Variants in HMCN1 observed in about 807,000 individuals in gnomAD.
HMCN1 encodes the protein hemicentin-1.
HMCN1 carries 321 observed loss-of-function variants against 625.9 expected under a neutral mutation model. That is an observed-to-expected ratio of 0.51 (90% CI 0.47 to 0.56). The LOEUF is 0.56. HMCN1 is among the 20% of genes least tolerant of loss of function. The probability of loss-of-function intolerance (pLI) is 0.00; values close to 1 mark genes in which losing one functional copy is unlikely to be tolerated. For missense variants in HMCN1, 6,588 were observed against 6,887.3 expected, an observed-to-expected ratio of 0.96 and a Z score of 1.54; for synonymous variants, 2,425 against 2,417.6, an observed-to-expected ratio of 1.00 and a Z score of -0.09.
At position 186,145,897 on chromosome 1, in the gene HMCN1, C is replaced by A; in HGVS notation, c.14582C>A (p.Thr4861Asn). 1.2e-6 allele frequency: 2 copies of A among 1,613,976 alleles called. No homozygotes were observed. Among genetic ancestry groups the A allele is most frequent in the Non-Finnish European group, 1.7e-6 (2 of 1,179,980 alleles). ...TGTCCCGGAGACACTACTCAGGTGA[C>A]CAGGTGCAATGTACAAGCATGTCCA... The part of the protein sequence containing the change: ...RPCPGDTTQV[T>N]RCNVQACPGG... Residue 4861 changes from threonine to asparagine, a missense_variant, in exon 93 of 107, where the codon ACC becomes AAC. Physicochemically the swap from Thr to Asn is moderately conservative, Grantham distance 65. Coordinates refer to ENST00000271588, the MANE Select transcript of HMCN1 (RefSeq NM_031935.3).
At chr1:186,014,175 G>A (rs923250999) in intron 30 of HMCN1, among the ~76,000 whole-genome samples, 2 of 152,004 alleles carry the variant, frequency 1.3e-5, no homozygotes, top group Admixed American at 1.3e-4. Flanking sequence ...CACTTTACCT[G>A]TATGGGCTGC....
chr1:185,968,480 T>TTATATATATATATATATATATATATATA (rs369735007), intron 14 of HMCN1, among the ~76,000 whole-genome samples: 1 of 149,250 alleles, frequency 6.7e-6, no homozygotes, highest in Admixed American at 6.7e-5. Context: ...ATTTCTAAAA[T>TTATATATATATATATATATATATATATA]TATATATATA....
intron 89 of HMCN1, among the ~76,000 whole-genome samples, chr1:186,143,533 A>G (rs1279981266): frequency 6.6e-6 from 1 of 152,242 alleles, no homozygotes. Flanking sequence ...CTTGGAAACT[A>G]CTAGTCAGCT....
chr1:185,880,336 A>G (rs1447344347), intron 4 of HMCN1, among the ~76,000 whole-genome samples: 1 of 152,232 alleles, frequency 6.6e-6, no homozygotes, highest in Non-Finnish European at 1.5e-5. Context: ...ATTGCAGGTA[A>G]TTCCATACTA....
rs146430539 is a variant in HMCN1, at chr1:185,990,342, T to G, written c.3276T>G (p.Leu1092=). 8.5e-5 allele frequency: 137 copies of G among 1,613,944 alleles called. No individual in the cohort carries two copies. In the African/African-American group the frequency reaches 1.4e-3, roughly 16 times the overall value. Residue 1092 remains leucine (L), a synonymous_variant, in exon 22 of 107, where the codon CTT becomes CTG. Transcript: ENST00000271588. ...SQDKPVEISV[L]AGEEVTLPCE... ...ATAAGCCTGTTGAGATCTCCGTCCTTGCAGGGGAAGAGGTAACACTTCCAT... is the reference window on the plus strand; with the variant it reads ...ATAAGCCTGTTGAGATCTCCGTCCTGGCAGGGGAAGAGGTAACACTTCCAT...
At chr1:185,848,655 A>T (rs952676342) in intron 2 of HMCN1, among the ~76,000 whole-genome samples, 2 of 152,068 alleles carry the variant, frequency 1.3e-5, no homozygotes, top group African/African-American at 2.4e-5. Flanking sequence ...TTCTTTTTCC[A>T]GTACCCTAAA....
intron 40 of HMCN1, among the ~76,000 whole-genome samples, chr1:186,044,794 T>C (rs1444655481): frequency 6.6e-6 from 1 of 152,122 alleles, no homozygotes; most frequent in Non-Finnish European, 1.5e-5. Context: ...GTTTCTGAAT[T>C]ATTATACATA....
chr1:185,899,329 C>T (rs926205163), intron 4 of HMCN1, among the ~76,000 whole-genome samples: 7 of 152,062 alleles, frequency 4.6e-5, no homozygotes, highest in African/African-American at 1.2e-4. Context: ...GAGAATATTA[C>T]AATTTTTTTG....
intron 36 of HMCN1, among the ~76,000 whole-genome samples, chr1:186,026,189 A>G (rs1655046185): frequency 6.6e-6 from 1 of 152,216 alleles, no homozygotes; most frequent in Non-Finnish European, 1.5e-5. Context: ...TGGAGATGTT[A>G]AAAAATGTAG....
chr1:186,079,396 G>A (rs1558203616), intron 55 of HMCN1, among the ~76,000 whole-genome samples: 1 of 152,268 alleles, frequency 6.6e-6, no homozygotes, highest in South Asian at 2.1e-4. Flanking sequence ...GCACACGCAA[G>A]CCATGTCAAG....
intron 1 of HMCN1, among the ~76,000 whole-genome samples, chr1:185,755,882 G>A (rs1203423975): frequency 6.6e-6 from 1 of 152,122 alleles, no homozygotes; most frequent in African/African-American, 2.4e-5. Flanking sequence ...GAAAGCATGG[G>A]CTCTTTTTTA....
chr1:186,181,625 AAG>A (rs1470253040), intron 104 of HMCN1, among the ~76,000 whole-genome samples: 2 of 152,204 alleles, frequency 1.3e-5, no homozygotes, highest in Non-Finnish European at 2.9e-5. Flanking sequence ...TGTATAAAAA[AAG>A]AGTATTTTTG....
At chr1:185,779,124 G>T (rs1212389265) in intron 1 of HMCN1, among the ~76,000 whole-genome samples, 3 of 152,154 alleles carry the variant, frequency 2.0e-5, no homozygotes, top group Admixed American at 6.5e-5. Flanking sequence ...TCATGTGTCT[G>T]TTGGTTGCAT....
chr1:185,870,677 C>T (rs1228249110), intron 4 of HMCN1, among the ~76,000 whole-genome samples: 1 of 152,166 alleles, frequency 6.6e-6, no homozygotes, highest in Non-Finnish European at 1.5e-5. Context: ...TAGCCATCCT[C>T]TCAAGCATGT....
At chr1:185,772,747 T>C (rs1377999892) in intron 1 of HMCN1, among the ~76,000 whole-genome samples, 2 of 152,128 alleles carry the variant, frequency 1.3e-5, no homozygotes, top group Non-Finnish European at 2.9e-5. Flanking sequence ...CTGGGTAATT[T>C]ATAAACAAAA....
At chr1:185,983,176 T>A (rs2102006233) in intron 18 of HMCN1, among the ~76,000 whole-genome samples, 1 of 152,174 alleles carries the variant, frequency 6.6e-6, no homozygotes, top group Admixed American at 6.5e-5. Context: ...GGTGTAAAAT[T>A]TTTTTTATGA....
At position 186,136,751 on chromosome 1, in the gene HMCN1, G is replaced by A. The variant is rs1330110948; in HGVS notation, c.13396G>A (p.Glu4466Lys). ...CATATTGAATTGTCAGGCAACTGGA[G>A]AGCCTCAACCAACCATTACATGGTC... is the stretch of plus-strand genomic sequence containing the variant. ...KIILNCQATGEPQPTITWSRQ... is the reference protein window; with the variant it reads ...KIILNCQATGKPQPTITWSRQ... The change falls in exon 87 of 107, where the codon GAG becomes AAG. Residue 4466 changes from glutamate (E) to lysine (K), a missense_variant. Transcript: ENST00000271588. 1 of 1,614,014 alleles carries A rather than the reference G, an allele frequency of 6.2e-7. No individual in the cohort carries two copies. Among genetic ancestry groups the A allele is most frequent in the Non-Finnish European group, 8.5e-7 (1 of 1,179,938 alleles).
At chr1:185,877,127 A>G (rs1347860460) in intron 4 of HMCN1, among the ~76,000 whole-genome samples, 1 of 151,752 alleles carries the variant, frequency 6.6e-6, no homozygotes, top group Non-Finnish European at 1.5e-5. Context: ...TTTTCTGCAT[A>G]TGGCTATCCA....
At chr1:186,163,793 G>C (rs1413763238) in intron 97 of HMCN1, among the ~76,000 whole-genome samples, 1 of 152,220 alleles carries the variant, frequency 6.6e-6, no homozygotes, top group East Asian at 1.9e-4. Context: ...TGGCAATATT[G>C]TAAAACCTGC....
Sources: gnomAD v4.1 joint callset for allele counts (sites outside exome capture counted in the v4.1 genomes callset) on GRCh38, gnomAD v4.1.1 for gene constraint, MANE v1.5 for transcripts, NCBI Gene and HGNC (gene_info 2026-07-23, HGNC 2026-07-21) for gene names.